The following GDA variants were observed in gnomAD, a reference collection of about 807,000 sequenced individuals.
The protein encoded by GDA is guanine deaminase.
A neutral mutation model predicts 59.6 loss-of-function variants in GDA; 18 were observed. The ratio of observed to expected loss-of-function variants is 0.30; its 90% CI spans 0.21 to 0.45. The LOEUF (loss-of-function observed/expected upper bound fraction) is 0.45. Ranked by LOEUF, GDA falls within the 20% of genes least tolerant of loss-of-function variation. GDA has a pLI of 1.00. For synonymous variants in GDA, 201 were observed against 201.1 expected (o/e 1.00, Z 0.00); for missense variants, 427 against 552.3 (o/e 0.77, Z 2.27).
chr9:72,250,594 T>G lies in GDA; in HGVS notation c.*2252T>G, dbSNP rs1025978820. 2.7e-6 allele frequency: 4 copies of G among 1,508,570 alleles called. No individual in the cohort carries two copies. The African/African-American group carries it at 4.2e-5, about 16-fold the overall frequency. 93.4% of individuals were successfully genotyped at this position (1,508,570 alleles called of 1,614,324 possible). A position where few individuals can be genotyped will look rare whatever the true frequency, so the allele number is the denominator to read the frequency against. ...TGAATGTTATGTATGCTTTTTTTTCTGTACCACAGGCATTATCTATACCTG... is the reference window on the plus strand; with the variant it reads ...TGAATGTTATGTATGCTTTTTTTTCGGTACCACAGGCATTATCTATACCTG... On this transcript the variant is annotated 3_prime_UTR_variant, in exon 14 of 14. Transcript: ENST00000358399.
At chr9:72,180,738 T>C (rs370915761) in intron 1 of GDA, among the ~76,000 whole-genome samples, 3 of 152,178 alleles carry the variant, frequency 2.0e-5, no homozygotes, top group African/African-American at 7.2e-5. Flanking sequence ...CTTCCACAAG[T>C]TGGTTAAGCA....
intron 2 of GDA, among the ~76,000 whole-genome samples, chr9:72,198,862 A>ATATATATATATATAT (rs1564025002): frequency 0.015 from 1,398 of 91,700 alleles, 79 homozygotes; most frequent in African/African-American, 0.051. Context: ...TATATATATA[A>ATATATATATATATAT]AATTTTTTTT....
intron 1 of GDA, among the ~76,000 whole-genome samples, chr9:72,128,288 A>C (rs1825914864): frequency 6.6e-6 from 1 of 152,276 alleles, no homozygotes; most frequent in South Asian, 2.1e-4. Flanking sequence ...GTTCTCTTCT[A>C]TACTCACCTC....
At chr9:72,199,529 T>G (rs80150632) in intron 2 of GDA, among the ~76,000 whole-genome samples, 8 of 152,174 alleles carry the variant, frequency 5.3e-5, no homozygotes, top group East Asian at 3.8e-4. Flanking sequence ...ACTTGAACTC[T>G]TCTTCATCCT....
In GDA at chr9:72,149,619, C is replaced by T. The variant is rs748885245; in HGVS notation, c.60C>T (p.Ser20=). The change falls in exon 1 of 14, where the codon TCC becomes TCT. Residue 20 remains serine, a synonymous_variant. Transcript: ENST00000358399. ...AHIFRGTFVH[S]TWTCPMEVLR... ...TCTTCCGAGGGACGTTCGTCCACTCCACCTGGACCTGCCCCATGGAGGTGC... is the reference window on the plus strand; with the variant it reads ...TCTTCCGAGGGACGTTCGTCCACTCTACCTGGACCTGCCCCATGGAGGTGC... 1.1e-4 allele frequency: 171 copies of T among 1,611,414 alleles called. 1 individual carries two copies. Among genetic ancestry groups the T allele is most frequent in the Non-Finnish European group, 9.6e-5 (113 of 1,179,064 alleles).
intron 1 of GDA, among the ~76,000 whole-genome samples, chr9:72,185,137 G>A (rs1054117209): frequency 6.6e-6 from 1 of 152,194 alleles, no homozygotes; most frequent in Non-Finnish European, 1.5e-5. Flanking sequence ...GCAATTCAGC[G>A]ACAGATTTAA....
downstream of GDA, chr9:72,253,383 A>G (rs985404021): frequency 6.6e-6 from 1 of 152,176 alleles, no homozygotes; most frequent in African/African-American, 2.4e-5. Flanking sequence ...TCCCCTAGGT[A>G]TGAAACCCAG....
At chr9:72,233,426 G>C (rs61016426) in intron 10 of GDA, among the ~76,000 whole-genome samples, 7,658 of 152,260 alleles carry the variant, frequency 0.05, 250 homozygotes, top group Middle Eastern at 0.14. Context: ...TCTATGAAAA[G>C]ATTGTGGTAG....
At chr9:72,150,075 G>T (rs1017830070) in intron 1 of GDA, among the ~76,000 whole-genome samples, 8 of 152,124 alleles carry the variant, frequency 5.3e-5, no homozygotes, top group Admixed American at 5.2e-4. Flanking sequence ...GGCACAGGAG[G>T]CTCTCCATAA....
At chr9:72,234,094 T>A (rs1838686892) in intron 10 of GDA, among the ~76,000 whole-genome samples, 1 of 152,106 alleles carries the variant, frequency 6.6e-6, no homozygotes, top group African/African-American at 2.4e-5. Flanking sequence ...TATTTAGCAG[T>A]AAAAAACACA....
upstream of GDA, among the ~76,000 whole-genome samples, chr9:72,146,938 T>C (rs1826662559): frequency 6.6e-6 from 1 of 152,190 alleles, no homozygotes; most frequent in South Asian, 2.1e-4. Flanking sequence ...AAAATTTACC[T>C]GAGGAGCACT....
At chr9:72,181,513 C>T (rs1485207841) in intron 1 of GDA, among the ~76,000 whole-genome samples, 8 of 152,260 alleles carry the variant, frequency 5.3e-5, no homozygotes, top group Admixed American at 1.3e-4. Context: ...TTAGTAGAGA[C>T]GGGGTTTCAC....
intron 1 of GDA, among the ~76,000 whole-genome samples, chr9:72,117,904 T>C (rs1825511897): frequency 6.6e-6 from 1 of 152,176 alleles, no homozygotes; most frequent in Non-Finnish European, 1.5e-5. Context: ...GGGATAATTC[T>C]AGGGGTCTTT....
chr9:72,229,570 TA>T (rs1838082190), intron 9 of GDA, among the ~76,000 whole-genome samples: 2 of 152,082 alleles, frequency 1.3e-5, no homozygotes, highest in Non-Finnish European at 2.9e-5. Flanking sequence ...GTGACAGTAA[TA>T]CCCAAATGCT....
intron 8 of GDA, among the ~76,000 whole-genome samples, chr9:72,226,835 G>C (rs1027569042): frequency 3.6e-4 from 55 of 152,240 alleles, no homozygotes; most frequent in Admixed American, 2.4e-3. Context: ...TGTAGTCACT[G>C]GGCCGGGCCT....
intron 2 of GDA, among the ~76,000 whole-genome samples, chr9:72,196,146 A>G (rs532909969): frequency 6.6e-6 from 1 of 151,538 alleles, no homozygotes; most frequent in African/African-American, 2.4e-5. Flanking sequence ...TATATTTCAT[A>G]TATAATATAT....
Position 72,150,166 on chromosome 9 carries a change from T to C in GDA, c.123+484T>C, listed in dbSNP as rs927581172. Among the ~76,000 whole-genome samples, 3 of 152,228 alleles carry C rather than the reference T, an allele frequency of 2.0e-5. No individual in the cohort carries two copies. In the South Asian group the frequency reaches 6.2e-4, roughly 32 times the overall value. ...TGTTTAGCGTGTCCAGAACATAGAA[T>C]AAATAGAACTGATTACATTCACCCT... On this transcript the variant is annotated intron_variant, in intron 1 of 13. Coordinates refer to ENST00000358399, the MANE Select transcript of GDA (RefSeq NM_004293.5).
chr9:72,140,614 A>G (rs75816243), intron 1 of GDA, among the ~76,000 whole-genome samples: 4,997 of 152,322 alleles, frequency 0.033, 298 homozygotes, highest in African/African-American at 0.11. Context: ...AAAATTATAC[A>G]TATTAATGAT....
At position 72,198,846 on chromosome 9, in the gene GDA, G is replaced by GATATATATATATAT. The variant is rs141544036; in HGVS notation, c.212+3260_212+3273dup. On this transcript the variant is annotated intron_variant, in intron 2 of 13. Transcript: ENST00000358399. ...ATGTTCTGATAAGCATATATAGGGGGATATATATATATATAAAATTTTTTT... is the reference window on the plus strand; with the variant it reads ...ATGTTCTGATAAGCATATATAGGGGGATATATATATATATATATATATATATATAAAATTTTTTT... Among the ~76,000 whole-genome samples the GATATATATATATAT allele has an allele frequency of 8.6e-3, 1,106 of 128,624 alleles. 47 individuals carry two copies. Among genetic ancestry groups the GATATATATATATAT allele is most frequent in the African/African-American group, 0.039 (1,015 of 26,284 alleles). The allele number at this position is 128,624 out of a possible 152,430, so 84.4% of individuals were successfully genotyped here.
Sources: gnomAD v4.1 joint callset for allele counts (sites outside exome capture counted in the v4.1 genomes callset) on GRCh38, gnomAD v4.1.1 for gene constraint, MANE v1.5 for transcripts, NCBI Gene and HGNC (gene_info 2026-07-23, HGNC 2026-07-21) for gene names.